The following MAPK8IP3 variants were observed in gnomAD, a reference collection of about 807,000 sequenced individuals.
MAPK8IP3 encodes the protein mitogen-activated protein kinase 8 interacting protein 3, also known as C-Jun-amino-terminal kinase-interacting protein 3.
A neutral mutation model predicts 157.8 loss-of-function variants in MAPK8IP3; 49 were observed. The observed-to-expected ratio is 0.31, with a 90% CI of 0.25 to 0.39. MAPK8IP3 has a LOEUF of 0.39. Among genes scored for constraint, MAPK8IP3 ranks in the 10% least tolerant of loss-of-function variants. MAPK8IP3 has a pLI of 1.00. For missense variants in MAPK8IP3, 1,478 were observed against 1,889.4 expected, an observed-to-expected ratio of 0.78 and a Z score of 4.04; for synonymous variants, 897 against 777.7, an observed-to-expected ratio of 1.15 and a Z score of -2.55.
In MAPK8IP3 at chr16:1,743,395, G is replaced by C; in HGVS notation, c.666G>C (p.Gln222His). Residue 222 changes from glutamine to histidine, a missense_variant, in exon 5 of 32, where the codon CAG (glutamine) becomes CAC (histidine). Gln to His is a conservative substitution (Grantham distance 24, BLOSUM62 0). Transcript: ENST00000610761. The surrounding 1 kb of genome is among the most constrained non-coding windows in gnomAD (Gnocchi z 5.6). ...FPLADGTVRA[Q>H]IGGKLVPAGD... is the part of the protein sequence containing the mutation. ...TGGCTGACGGCACGGTACGTGCACA[G>C]ATCGGGGGCAAGCTCGTGCCTGCGG... The C allele has an allele frequency of 6.2e-7, 1 of 1,609,854 alleles. No individual in the cohort carries two copies.
In MAPK8IP3 at chr16:1,768,677, C is replaced by T. The variant is rs757787453; in HGVS notation, c.3893-26C>T. On this transcript the variant is annotated intron_variant, in intron 31 of 31. Transcript: ENST00000610761. ...GAGGTTGGGCGCGGGGGGAGCCTGG[C>T]CGTCACTCTGCTGCTTTGCCCGCAG... 5 of 1,611,034 alleles carry T rather than the reference C, an allele frequency of 3.1e-6. No homozygotes were observed. The African/African-American group carries it at 4.0e-5, about 13-fold the overall frequency.
At chr16:1,728,346 G>A (rs1229117939) in intron 2 of MAPK8IP3, among the ~76,000 whole-genome samples, 2 of 152,190 alleles carry the variant, frequency 1.3e-5, no homozygotes, top group Non-Finnish European at 2.9e-5. Context: ...TGCTTGTTCT[G>A]CCAGACACGA....
rs1262961492 is a variant in MAPK8IP3, at chr16:1,751,360, G to T, written c.1216+2640G>T. On this transcript the variant is annotated intron_variant, in intron 8 of 31. Coordinates refer to ENST00000610761, the MANE Select transcript of MAPK8IP3 (RefSeq NM_001318852.2). This position sits in a 1 kb window ranked among gnomAD's most constrained non-coding sequence, Gnocchi z 5.0. ...TGTAATCCCAGCTACTCGGGAGACT[G>T]AGGCAGAAGAATTGTTTGAACCCAG... Among the ~76,000 whole-genome samples, 1 of 152,164 alleles carries T rather than the reference G, an allele frequency of 6.6e-6. No individual in the cohort carries two copies. The highest frequency in any genetic ancestry group is 1.5e-5 in the Non-Finnish European group (1 of 68,034).
At chr16:1,763,630 G>A in intron 16 of MAPK8IP3, 27 bp from the exon 17 acceptor site, 1 of 1,525,186 alleles carries the variant, frequency 6.6e-7, no homozygotes. Context: ...CCTGGACAGA[G>A]ACATCACCCA....
In MAPK8IP3 at chr16:1,737,798, A is replaced by G. The variant is rs1265334398; in HGVS notation, c.603-5534A>G. Among the ~76,000 whole-genome samples, 57 of 32,830 alleles carry G rather than the reference A, an allele frequency of 1.7e-3. 1 individual carries two copies. Among genetic ancestry groups the G allele is most frequent in the Middle Eastern group, 0.026 (1 of 38 alleles). The allele number at this position is 32,830 out of a possible 152,430, so 21.5% of individuals were successfully genotyped here. On this transcript the variant is annotated intron_variant, in intron 4 of 31. Transcript: ENST00000610761. ...TGAGTGACCATCCATGTGAGCATCC[A>G]TGTGACCGTCCGTGTGAGCGTCCGT...
chr16:1,709,948 T>A (rs1252272912), intron 1 of MAPK8IP3, among the ~76,000 whole-genome samples: 2 of 152,190 alleles, frequency 1.3e-5, no homozygotes, highest in African/African-American at 4.8e-5. Context: ...CTGGAGTGGG[T>A]GTTCTCTCAA....
At position 1,710,969 on chromosome 16, in the gene MAPK8IP3, G is replaced by A. The variant is rs532984016; in HGVS notation, c.318+4312G>A. ...GTACCTGCCAGCCAGAGAGAACACGGGACAGAGGCCGAAGTGGCCCGGAGG... is the reference window on the plus strand; with the variant it reads ...GTACCTGCCAGCCAGAGAGAACACGAGACAGAGGCCGAAGTGGCCCGGAGG... On this transcript the variant is annotated intron_variant, in intron 1 of 31. Transcript: ENST00000610761. This position sits in a 1 kb window ranked among gnomAD's most constrained non-coding sequence, Gnocchi z 4.1. Among the ~76,000 whole-genome samples, 12 of 152,190 alleles carry A rather than the reference G, an allele frequency of 7.9e-5. No homozygotes were observed. The highest frequency in any genetic ancestry group is 1.3e-4 in the Non-Finnish European group (9 of 68,028).
At chr16:1,737,164 GCA>G (rs2040001665) in intron 4 of MAPK8IP3, among the ~76,000 whole-genome samples, 1 of 88,524 alleles carries the variant, frequency 1.1e-5, no homozygotes, top group Non-Finnish European at 2.3e-5. Flanking sequence ...GTCCGTGTGA[GCA>G]TCCGTGTGAG....
chr16:1,735,267 T>C (rs1023155708), intron 4 of MAPK8IP3, among the ~76,000 whole-genome samples: 1 of 151,488 alleles, frequency 6.6e-6, no homozygotes, highest in Non-Finnish European at 1.5e-5. Flanking sequence ...CGTGTGAGCA[T>C]GTGACCGTCT....
Position 1,735,327 on chromosome 16 carries a change from TGTGA to T in MAPK8IP3, c.602+5755_602+5758del, listed in dbSNP as rs1451563390. On this transcript the variant is annotated intron_variant, in intron 4 of 31. Transcript: ENST00000610761. The stretch of plus-strand genomic sequence containing the variant: ...CTGTCCGTGTTTCCGTGTGTGTCCA[TGTGA>T]GTGAGCGTCCATGTGAGCGTGTGAG... 1.5e-4 allele frequency among the ~76,000 whole-genome samples: 23 copies of T among 151,070 alleles called. No individual in the cohort carries two copies. The East Asian group carries it at 3.3e-3, about 22-fold the overall frequency.
chr16:1,761,274 A>G lies in MAPK8IP3; in HGVS notation c.1508A>G (p.Glu503Gly). The G allele has an allele frequency of 6.2e-7, 1 of 1,613,730 alleles. No individual in the cohort carries two copies. Among genetic ancestry groups the G allele is most frequent in the Non-Finnish European group, 8.5e-7 (1 of 1,180,008 alleles). Residue 503 changes from glutamate to glycine, a missense_variant, in exon 13 of 32, where the codon GAG becomes GGG. This residue lies in a region of MAPK8IP3 where 96 missense variants were observed against 106.3 expected (regional missense o/e 0.90). Transcript: ENST00000610761. ...CGCCGTGAACCCAAAGAAGAGGCGG[A>G]GGATGTAAGCAGCTATCTCTGTACA... ...IARREPKEEA[E>G]DVSSYLCTES...
At chr16:1,712,006 A>G (rs1267034169) in intron 1 of MAPK8IP3, among the ~76,000 whole-genome samples, 3 of 143,936 alleles carry the variant, frequency 2.1e-5, no homozygotes, top group South Asian at 2.2e-4. Flanking sequence ...CACCCCAAGT[A>G]TCTAGCCGCC....
intron 2 of MAPK8IP3, among the ~76,000 whole-genome samples, 174 bp from the exon 3 acceptor site, chr16:1,728,963 CA>C (rs1432251686): frequency 6.6e-6 from 1 of 152,194 alleles, no homozygotes; most frequent in Non-Finnish European, 1.5e-5. Context: ...TCCCATCGCA[CA>C]ACGCACACAG....
chr16:1,715,068 G>T (rs1050500525), intron 1 of MAPK8IP3, among the ~76,000 whole-genome samples: 31 of 151,814 alleles, frequency 2.0e-4, no homozygotes, highest in African/African-American at 6.3e-4. Context: ...AAGACAGATG[G>T]GAAATATATA....
intron 8 of MAPK8IP3, chr16:1,752,480 C>A (rs1435743822): frequency 3.8e-5 from 14 of 364,624 alleles, no homozygotes; most frequent in Non-Finnish European, 7.6e-5. Context: ...CAGTCACTCA[C>A]ACCTGTAATC....
rs879830312 is a variant in MAPK8IP3 at position 1,710,841 on chromosome 16, G to T, written c.318+4184G>T. Reference sequence around the variant, plus strand: ...GGGGCTGCCAGAGCTGCCTTTCCTAGGTGCCTCTGAAAGCTGGCCTGGTGT... The same window carrying T: ...GGGGCTGCCAGAGCTGCCTTTCCTATGTGCCTCTGAAAGCTGGCCTGGTGT... On this transcript the variant is annotated intron_variant, in intron 1 of 31. Coordinates refer to ENST00000610761, the MANE Select transcript of MAPK8IP3 (RefSeq NM_001318852.2). This position sits in a 1 kb window ranked among gnomAD's most constrained non-coding sequence, Gnocchi z 4.1. Among the ~76,000 whole-genome samples, 3 of 152,198 alleles carry T rather than the reference G, an allele frequency of 2.0e-5. No homozygotes were observed. The highest frequency in any genetic ancestry group is 6.5e-5 in the Admixed American group (1 of 15,272).
chr16:1,718,021 T>A (rs758366078), intron 1 of MAPK8IP3, among the ~76,000 whole-genome samples: 1 of 150,944 alleles, frequency 6.6e-6, no homozygotes, highest in Non-Finnish European at 1.5e-5. Flanking sequence ...CCGGCTAATC[T>A]TTTTTGTATT....
rs533138418 is a variant in MAPK8IP3 at position 1,726,675 on chromosome 16, C to A, written c.439+1998C>A. ...TGGGTGACAGAGTGAGACCCTGTCT[C>A]AAAAAAAATCAAATTACAGGCTGAG... On this transcript the variant is annotated intron_variant, in intron 2 of 31. Transcript: ENST00000610761. Among the ~76,000 whole-genome samples, 15 of 151,922 alleles carry A rather than the reference C, an allele frequency of 9.9e-5. No individual in the cohort carries two copies. In the South Asian group the frequency reaches 3.1e-3, roughly 32 times the overall value.
chr16:1,706,199 T>TCGGCAGCGG lies in MAPK8IP3; in HGVS notation c.-136_-128dup. ...CGGTGAGTGAGTGACGGGCGCAGCC[T>TCGGCAGCGG]CGGCAGCGGCGGCGGCGGAGCCCTG... On this transcript the variant is annotated 5_prime_UTR_variant, in exon 1 of 32. Transcript: ENST00000610761. The surrounding 1 kb of genome is among the most constrained non-coding windows in gnomAD (Gnocchi z 5.1). The TCGGCAGCGG allele has an allele frequency of 1.6e-6, 1 of 637,802 alleles. No homozygotes were observed. The highest frequency in any genetic ancestry group is 2.2e-6 in the Non-Finnish European group (1 of 446,420). The allele number at this position is 637,802 out of a possible 1,614,324, so 39.5% of individuals were successfully genotyped here. A position where few individuals can be genotyped will look rare whatever the true frequency, so the allele number is the denominator to read the frequency against.
Sources: allele counts gnomAD v4.1 joint callset (sites outside exome capture counted in the v4.1 genomes callset), GRCh38; gene constraint gnomAD v4.1.1; regional missense constraint gnomAD v4.1.1; non-coding constraint Gnocchi (gnomAD v3.1); transcripts MANE v1.5; gene names NCBI Gene and HGNC (gene_info 2026-07-23, HGNC 2026-07-21).